CHMP5: variants seen among roughly 807,000 people sequenced by gnomAD.
CHMP5 encodes SNF7 domain containing 2.
CHMP5 carries 17 observed loss-of-function variants against 33.0 expected under a neutral mutation model. The ratio of observed to expected loss-of-function variants is 0.52; its 90% CI spans 0.35 to 0.77. The LOEUF (loss-of-function observed/expected upper bound fraction) is 0.77, where lower values mean the gene tolerates loss of function less well. Ranked by LOEUF, CHMP5 falls within the 30% of genes least tolerant of loss-of-function variation. The probability of loss-of-function intolerance (pLI) is 0.01; values close to 1 mark genes in which losing one functional copy is unlikely to be tolerated. For missense variants in CHMP5, 216 were observed against 261.5 expected (o/e 0.83, Z 1.20); for synonymous variants, 76 against 90.2 (o/e 0.84, Z 0.89).
intron 2 of CHMP5, among the ~76,000 whole-genome samples, chr9:33,266,877 A>G (rs966443955): frequency 6.6e-6 from 1 of 152,166 alleles, no homozygotes; most frequent in Non-Finnish European, 1.5e-5. Flanking sequence ...AAAGTCACTT[A>G]TTTTCCACTC....
intron 5 of CHMP5, 74 bp from the exon 6 acceptor site, chr9:33,276,382 G>A (rs1333692774): frequency 3.8e-6 from 3 of 785,230 alleles, no homozygotes; most frequent in Non-Finnish European, 6.5e-6. Context: ...AGATTCAAAG[G>A]AGAATGTAGG....
chr9:33,278,869 A>G (rs752577845), intron 7 of CHMP5, among the ~76,000 whole-genome samples: 8 of 152,142 alleles, frequency 5.3e-5, no homozygotes, highest in Non-Finnish European at 1.0e-4. Context: ...TGTGCAAGCA[A>G]ATTAGATCTT....
rs768882154 is a variant in CHMP5 at position 33,270,674 on chromosome 9, A to G, written c.273A>G (p.Gln91=). Residue 91 remains glutamine (Q), a synonymous_variant, in exon 4 of 8, where the codon CAA becomes CAG. Transcript: ENST00000223500. ...NLAQQSFNME[Q]ANYTIQSLKD... ...CCCAACAGTCATTCAACATGGAACA[A>G]GCCAATTATACCATCCAGTCTTTGA... 1.9e-6 allele frequency: 3 copies of G among 1,614,208 alleles called. No homozygotes were observed. In the South Asian group the frequency reaches 3.3e-5, roughly 18 times the overall value.
At position 33,281,109 on chromosome 9, in the gene CHMP5, T is replaced by C. The variant is rs568419590; in HGVS notation, c.*250T>C. 2 of 403,378 alleles carry C rather than the reference T, an allele frequency of 5.0e-6. No individual in the cohort carries two copies. Among genetic ancestry groups the C allele is most frequent in the East Asian group, 8.2e-5 (2 of 24,484 alleles). The allele number at this position is 403,378 out of a possible 1,614,324, so 25.0% of individuals were successfully genotyped here. A position where few individuals can be genotyped will look rare whatever the true frequency, so the allele number is the denominator to read the frequency against. On this transcript the variant is annotated 3_prime_UTR_variant, in exon 8 of 8. Transcript: ENST00000223500. The stretch of plus-strand genomic sequence containing the variant: ...AGTTTAAAAGTATTTTTAGCTCGTA[T>C]GACTTGTTTTCATTCATTAATAATA...
intron 5 of CHMP5, among the ~76,000 whole-genome samples, chr9:33,276,217 T>C (rs1476314325): frequency 6.6e-6 from 1 of 152,226 alleles, no homozygotes; most frequent in Non-Finnish European, 1.5e-5. Flanking sequence ...AAGAGTTACT[T>C]GAACCTGTCC....
At chr9:33,279,724 G>T (rs954228132) in intron 7 of CHMP5, among the ~76,000 whole-genome samples, 2 of 151,882 alleles carry the variant, frequency 1.3e-5, no homozygotes, top group East Asian at 3.9e-4. Flanking sequence ...TTAGCTGGGC[G>T]TGGTGGCAGG....
intron 2 of CHMP5, among the ~76,000 whole-genome samples, chr9:33,267,162 C>T (rs966124455): frequency 2.0e-5 from 3 of 152,162 alleles, no homozygotes; most frequent in Admixed American, 6.5e-5. Flanking sequence ...ACCTGTTTTT[C>T]CTTCCTCACT....
intron 6 of CHMP5, among the ~76,000 whole-genome samples, chr9:33,277,589 A>G (rs1820870870): frequency 6.6e-6 from 1 of 152,196 alleles, no homozygotes; most frequent in Admixed American, 6.5e-5. Context: ...AGCTAGGGTG[A>G]TGGTAGCAGA....
intron 1 of CHMP5, 136 bp downstream of exon 1, chr9:33,265,283 C>G (rs771996819): frequency 1.3e-6 from 1 of 777,650 alleles, no homozygotes; most frequent in Non-Finnish European, 2.2e-6. Flanking sequence ...CTCTATCTCA[C>G]CTTCTCCCCT....
At chr9:33,275,704 A>G (rs964959645) in intron 5 of CHMP5, among the ~76,000 whole-genome samples, 1 of 152,184 alleles carries the variant, frequency 6.6e-6, no homozygotes, top group Non-Finnish European at 1.5e-5. Context: ...TTGGGCTTCC[A>G]TGAGGCACTT....
Position 33,280,935 on chromosome 9 carries a change from G to C in CHMP5, c.*76G>C. 2 of 1,274,040 alleles carry C rather than the reference G, an allele frequency of 1.6e-6. No homozygotes were observed. 78.9% of individuals were successfully genotyped at this position (1,274,040 alleles called of 1,614,324 possible). A position where few individuals can be genotyped will look rare whatever the true frequency, so the allele number is the denominator to read the frequency against. ...AGGAAATATTTATCTTTCCAAATTTGCCATAACAGATTTAGGTTTCTTTCC... is the reference window on the plus strand; with the variant it reads ...AGGAAATATTTATCTTTCCAAATTTCCCATAACAGATTTAGGTTTCTTTCC... On this transcript the variant is annotated 3_prime_UTR_variant, in exon 8 of 8. Coordinates refer to ENST00000223500, the MANE Select transcript of CHMP5 (RefSeq NM_016410.6).
rs186202502 is a variant in CHMP5, at chr9:33,265,915, C to T, written c.70-95C>T. The stretch of plus-strand genomic sequence containing the variant: ...GTTTTTCACCCTTCCCCTTAAGCTC[C>T]TCTTTTCTTCCTCTGTATTCCTTCC... On this transcript the variant is annotated intron_variant, in intron 1 of 7. Coordinates refer to ENST00000223500, the MANE Select transcript of CHMP5 (RefSeq NM_016410.6). 4.7e-4 allele frequency: 338 copies of T among 725,006 alleles called. 2 individuals are homozygous for T. The highest frequency in any genetic ancestry group is 4.7e-5 in the Non-Finnish European group (20 of 428,228). The allele number at this position is 725,006 out of a possible 1,614,324, so 44.9% of individuals were successfully genotyped here. A position where few individuals can be genotyped will look rare whatever the true frequency, so the allele number is the denominator to read the frequency against.
chr9:33,265,212 AGCCCCG>A lies in CHMP5; in HGVS notation c.69+67_69+72del, dbSNP rs1820694934. ...GACACACCCGACCCCGCCCACCCCCAGCCCCGGGCCCATATTCTTCCACTTCATTTC... is the reference window on the plus strand; with the variant it reads ...GACACACCCGACCCCGCCCACCCCCAGGCCCATATTCTTCCACTTCATTTC... On this transcript the variant is annotated intron_variant, in intron 1 of 7. Coordinates refer to ENST00000223500, the MANE Select transcript of CHMP5 (RefSeq NM_016410.6). 3 of 1,145,716 alleles carry A rather than the reference AGCCCCG, an allele frequency of 2.6e-6. No individual in the cohort carries two copies. The African/African-American group carries it at 7.9e-5, about 30-fold the overall frequency. 71.0% of individuals were successfully genotyped at this position (1,145,716 alleles called of 1,614,324 possible).
chr9:33,267,925 T>C, intron 3 of CHMP5, 26 bp downstream of exon 3: 2 of 1,547,600 alleles, frequency 1.3e-6, no homozygotes, highest in South Asian at 1.1e-5. Flanking sequence ...AATTTCTACC[T>C]CTAGCAGGTT....
At chr9:33,265,249 C>T (rs924147737) in intron 1 of CHMP5, 102 bp downstream of exon 1, 15 of 1,151,944 alleles carry the variant, frequency 1.3e-5, no homozygotes, top group Non-Finnish European at 1.7e-5. Flanking sequence ...ATTTCGGGTC[C>T]TGGGCCCCTT....
chr9:33,277,876 T>C (rs1448527276), intron 6 of CHMP5: 4 of 371,112 alleles, frequency 1.1e-5, no homozygotes, highest in African/African-American at 6.1e-5. Flanking sequence ...TAATTTCCCA[T>C]CTTCAATTGC....
chr9:33,280,867 TCATTCAAGCATATCTTGTAAAACAAACA>T lies in CHMP5; in HGVS notation c.*12_*39del. On this transcript the variant is annotated 3_prime_UTR_variant, in exon 8 of 8. Coordinates refer to ENST00000223500, the MANE Select transcript of CHMP5 (RefSeq NM_016410.6). ...CAGATCCCTGCTTCATAGATTTGCA[TCATTCAAGCATATCTTGTAAAACAAACA>T]CATATTATGGGACTAGGAAATATTT... is the stretch of plus-strand genomic sequence containing the variant. The T allele has an allele frequency of 6.2e-7, 1 of 1,608,050 alleles. No individual in the cohort carries two copies. Among genetic ancestry groups the T allele is most frequent in the South Asian group, 1.1e-5 (1 of 90,098 alleles).
chr9:33,280,780 T>G, intron 7 of CHMP5, 29 bp from the exon 8 acceptor site: 1 of 1,566,110 alleles, frequency 6.4e-7, no homozygotes, highest in Non-Finnish European at 8.7e-7. Flanking sequence ...AGAAAAATAG[T>G]GGCACTAAAC....
chr9:33,267,906 T>A lies in CHMP5; in HGVS notation c.221+7T>A, dbSNP rs1417131711. ...TTTTAAAGCAAAAGAGGATGTAAGTTACACACACAATTTCTACCTCTAGCA... is the reference window on the plus strand; with the variant it reads ...TTTTAAAGCAAAAGAGGATGTAAGTAACACACACAATTTCTACCTCTAGCA... On this transcript the variant is annotated splice_region_variant and intron_variant, in intron 3 of 7. Coordinates refer to ENST00000223500, the MANE Select transcript of CHMP5 (RefSeq NM_016410.6). 5 of 1,598,302 alleles carry A rather than the reference T, an allele frequency of 3.1e-6. No homozygotes were observed. Among genetic ancestry groups the A allele is most frequent in the Non-Finnish European group, 4.3e-6 (5 of 1,165,902 alleles).
Sources: gnomAD v4.1 joint callset for allele counts (sites outside exome capture counted in the v4.1 genomes callset) on GRCh38, gnomAD v4.1.1 for gene constraint, MANE v1.5 for transcripts, NCBI Gene and HGNC (gene_info 2026-07-23, HGNC 2026-07-21) for gene names.